BANK1: variants seen among roughly 807,000 people sequenced by gnomAD.
BANK1 encodes B-cell scaffold protein with ankyrin repeats.
Under a neutral mutation model 94.5 loss-of-function variants are expected in BANK1, and 95 were observed. The ratio of observed to expected loss-of-function variants is 1.00; its 90% CI spans 0.85 to 1.19. The LOEUF (loss-of-function observed/expected upper bound fraction) is 1.19. Ranked by LOEUF, BANK1 falls within the 50% of genes most tolerant of loss-of-function variation. The probability of loss-of-function intolerance (pLI) is 0.00; values close to 1 mark genes in which losing one functional copy is unlikely to be tolerated. For synonymous variants in BANK1, 334 were observed against 308.4 expected, an observed-to-expected ratio of 1.08 and a Z score of -0.87; for missense variants, 987 against 932.2, an observed-to-expected ratio of 1.06 and a Z score of -0.77.
intron 1 of BANK1, among the ~76,000 whole-genome samples, chr4:101,802,479 A>G (rs1725386947): frequency 6.6e-6 from 1 of 152,230 alleles, no homozygotes; most frequent in Admixed American, 6.5e-5. Context: ...AGCATTTATA[A>G]TTATGGAAAG....
chr4:101,869,485 A>T (rs1728200913), intron 4 of BANK1, among the ~76,000 whole-genome samples: 1 of 151,968 alleles, frequency 6.6e-6, no homozygotes, highest in South Asian at 2.1e-4. Context: ...TACTCAAGAA[A>T]TATGAGGAAG....
chr4:101,918,843 T>G (rs991201546), intron 7 of BANK1, among the ~76,000 whole-genome samples: 2 of 151,950 alleles, frequency 1.3e-5, no homozygotes. Flanking sequence ...GATTGTCAGA[T>G]TAAGCCAATC....
intron 1 of BANK1, among the ~76,000 whole-genome samples, chr4:101,807,009 T>A (rs1181004511): frequency 6.6e-6 from 1 of 152,194 alleles, no homozygotes; most frequent in Non-Finnish European, 1.5e-5. Context: ...CCATGAGAAC[T>A]AGTTAGCAAG....
intron 10 of BANK1, among the ~76,000 whole-genome samples, chr4:102,040,133 A>G (rs1578473518): frequency 6.6e-6 from 1 of 152,186 alleles, no homozygotes; most frequent in Non-Finnish European, 1.5e-5. Flanking sequence ...GACATGAAGA[A>G]TATTCTCGCA....
intron 6 of BANK1, among the ~76,000 whole-genome samples, chr4:101,916,400 G>C (rs4235403): frequency 0.79 from 120,203 of 151,956 alleles, 48,444 homozygotes; most frequent in Non-Finnish European, 0.88. Flanking sequence ...AGAACAAATG[G>C]ATTGCATGGT....
intron 16 of BANK1, 105 bp from the exon 17 acceptor site, chr4:102,073,900 T>A: frequency 1.7e-6 from 1 of 574,986 alleles, no homozygotes. Flanking sequence ...TAAAGGTGAT[T>A]GCTCTGTAGA....
At chr4:101,803,684 G>C (rs1725433192) in intron 1 of BANK1, among the ~76,000 whole-genome samples, 1 of 152,116 alleles carries the variant, frequency 6.6e-6, no homozygotes, top group African/African-American at 2.4e-5. Context: ...AAAACTTGCT[G>C]ATGAACTGGG....
At chr4:101,913,600 A>C (rs1722737750) in intron 6 of BANK1, among the ~76,000 whole-genome samples, 1 of 152,098 alleles carries the variant, frequency 6.6e-6, no homozygotes, top group Admixed American at 6.6e-5. Flanking sequence ...CCACAGCCCT[A>C]GATAAGAAGG....
intron 2 of BANK1, among the ~76,000 whole-genome samples, chr4:101,834,667 AAAG>A (rs1726758313): frequency 3.3e-5 from 5 of 152,210 alleles, no homozygotes; most frequent in Non-Finnish European, 5.9e-5. Context: ...GAAATAGGAC[AAAG>A]AATGTGGAAT....
At chr4:101,944,391 G>A (rs1723863475) in intron 7 of BANK1, among the ~76,000 whole-genome samples, 1 of 151,774 alleles carries the variant, frequency 6.6e-6, no homozygotes, top group South Asian at 2.1e-4. Context: ...TTAGGTATGG[G>A]CCTTAGGATG....
chr4:101,864,405 T>C (rs769170125), intron 4 of BANK1, among the ~76,000 whole-genome samples: 1 of 152,192 alleles, frequency 6.6e-6, no homozygotes, highest in Non-Finnish European at 1.5e-5. Context: ...CCAGTACATA[T>C]GCACAGATAT....
intron 7 of BANK1, among the ~76,000 whole-genome samples, chr4:101,919,139 A>G (rs540830634): frequency 2.0e-5 from 3 of 152,074 alleles, no homozygotes; most frequent in South Asian, 4.1e-4. Flanking sequence ...GCAGCATGGT[A>G]TCTATCTGGG....
chr4:101,819,687 C>A (rs766465667), intron 1 of BANK1, among the ~76,000 whole-genome samples: 1 of 152,116 alleles, frequency 6.6e-6, no homozygotes, highest in Non-Finnish European at 1.5e-5. Flanking sequence ...TATTCTCCAT[C>A]GACATCAAAA....
At chr4:102,028,901 T>C (rs1045310771) in intron 9 of BANK1, among the ~76,000 whole-genome samples, 3 of 152,114 alleles carry the variant, frequency 2.0e-5, no homozygotes, top group East Asian at 1.9e-4. Flanking sequence ...ATCTGTTTTT[T>C]ATTTGTTTTT....
In BANK1 at chr4:102,034,528, T is replaced by A. The variant is rs138019412; in HGVS notation, c.1900+4263T>A. 6.0e-4 allele frequency among the ~76,000 whole-genome samples: 91 copies of A among 152,348 alleles called. No homozygotes were observed. In the East Asian group the frequency reaches 0.017, roughly 28 times the overall value. On this transcript the variant is annotated intron_variant, in intron 10 of 16. Transcript: ENST00000322953. ...ATTATAATTAAAACAATTCTACTTT[T>A]TCTTTTCTCAGTTTAGTGTCTGTTT... is the stretch of plus-strand genomic sequence containing the variant.
intron 7 of BANK1, among the ~76,000 whole-genome samples, chr4:101,954,055 G>C (rs187097901): frequency 1.6e-4 from 24 of 152,184 alleles, no homozygotes; most frequent in Admixed American, 1.4e-3. Context: ...CTCTCTCCTA[G>C]CTTCCGGTGG....
At chr4:101,986,803 A>ATATATATGTATATATATGTG (rs1289377884) in intron 7 of BANK1, among the ~76,000 whole-genome samples, 5 of 96,228 alleles carry the variant, frequency 5.2e-5, no homozygotes, top group Non-Finnish European at 6.6e-5. Context: ...ATATATGTGT[A>ATATATATGTATATATATGTG]TATATATGTA....
chr4:101,947,317 A>G (rs912427182), intron 7 of BANK1, among the ~76,000 whole-genome samples: 2 of 142,732 alleles, frequency 1.4e-5, no homozygotes, highest in African/African-American at 5.2e-5. Context: ...ATATATGTAT[A>G]TGTATTATGT....
chr4:101,799,990 A>G (rs1725301095), intron 1 of BANK1, among the ~76,000 whole-genome samples: 1 of 152,166 alleles, frequency 6.6e-6, no homozygotes, highest in Non-Finnish European at 1.5e-5. Flanking sequence ...AGGGACATGG[A>G]TGAAGCTGGA....
Sources: allele counts gnomAD v4.1 joint callset (sites outside exome capture counted in the v4.1 genomes callset), GRCh38; gene constraint gnomAD v4.1.1; transcripts MANE v1.5; gene names NCBI Gene and HGNC (gene_info 2026-07-23, HGNC 2026-07-21).